PLB1: variants seen among roughly 807,000 people sequenced by gnomAD.
PLB1 encodes phospholipase B1, also known as phospholipase B1, membrane-associated.
PLB1 carries 242 observed loss-of-function variants against 227.4 expected under a neutral mutation model. The ratio of observed to expected loss-of-function variants is 1.06; its 90% CI spans 0.96 to 1.18. The LOEUF (loss-of-function observed/expected upper bound fraction) is 1.18, where lower values mean the gene tolerates loss of function less well. Ranked by LOEUF, PLB1 falls within the 50% of genes most tolerant of loss-of-function variation. PLB1 has a pLI of 0.00. For synonymous variants in PLB1, 757 were observed against 682.2 expected, an observed-to-expected ratio of 1.11 and a Z score of -1.71; for missense variants, 1,858 against 1,816.3, an observed-to-expected ratio of 1.02 and a Z score of -0.42.
intron 20 of PLB1, among the ~76,000 whole-genome samples, chr2:28,568,869 G>T (rs1677518322): frequency 6.6e-6 from 1 of 152,218 alleles, no homozygotes; most frequent in Non-Finnish European, 1.5e-5. Flanking sequence ...TATCCAATGT[G>T]TGGTTCCTCC....
intron 16 of PLB1, among the ~76,000 whole-genome samples, chr2:28,550,964 C>A (rs1674151941): frequency 6.6e-6 from 1 of 152,186 alleles, no homozygotes; most frequent in Admixed American, 6.5e-5. Context: ...ATGTGGCCAT[C>A]CCCTGGGTGC....
intron 17 of PLB1, among the ~76,000 whole-genome samples, chr2:28,560,106 A>G (rs1436864497): frequency 6.6e-6 from 1 of 152,146 alleles, no homozygotes; most frequent in Non-Finnish European, 1.5e-5. Context: ...GACAACTTTC[A>G]GTTTATCCTT....
intron 11 of PLB1, 135 bp from the exon 12 acceptor site, chr2:28,540,231 A>G: frequency 1.4e-6 from 1 of 707,454 alleles, no homozygotes. Context: ...TATGTCCTCT[A>G]AGACTTATGC....
Position 28,590,993 on chromosome 2 carries a change from G to A in PLB1, c.2089-140G>A, listed in dbSNP as rs117078616. Reference sequence around the variant, plus strand: ...ACGGCCCCCTGCATCTTGGGAGGGAGTCAGCCTGGTAGAGGCTGGGCTTGG... The same window carrying A: ...ACGGCCCCCTGCATCTTGGGAGGGAATCAGCCTGGTAGAGGCTGGGCTTGG... On this transcript the variant is annotated intron_variant, in intron 29 of 57. Coordinates refer to ENST00000327757, the MANE Select transcript of PLB1 (RefSeq NM_153021.5). 2,721 of 1,013,980 alleles carry A rather than the reference G, an allele frequency of 2.7e-3. 61 individuals carry two copies. The East Asian group carries it at 0.041, about 15-fold the overall frequency. The allele number at this position is 1,013,980 out of a possible 1,614,324, so 62.8% of individuals were successfully genotyped here. A position where few individuals can be genotyped will look rare whatever the true frequency, so the allele number is the denominator to read the frequency against.
chr2:28,642,384 G>T (rs1690073952), intron 57 of PLB1, among the ~76,000 whole-genome samples: 1 of 152,126 alleles, frequency 6.6e-6, no homozygotes, highest in South Asian at 2.1e-4. Flanking sequence ...GAACGCACAC[G>T]ATCTGCCCAC....
intron 20 of PLB1, among the ~76,000 whole-genome samples, chr2:28,571,701 C>G (rs1678038415): frequency 6.6e-6 from 1 of 152,076 alleles, no homozygotes; most frequent in African/African-American, 2.4e-5. Flanking sequence ...AAAGAATCGT[C>G]TTTTCAATAA....
At chr2:28,598,886 C>A in intron 35 of PLB1, 126 bp downstream of exon 35, 1 of 778,682 alleles carries the variant, frequency 1.3e-6, no homozygotes, top group Admixed American at 2.0e-5. Context: ...GCTCAGGCTG[C>A]CCTCTTCCCT....
At chr2:28,519,632 C>A in intron 3 of PLB1, 73 bp from the exon 4 acceptor site, 1 of 1,148,914 alleles carries the variant, frequency 8.7e-7, no homozygotes, top group African/African-American at 1.5e-5. Context: ...GTCTCCTCTC[C>A]CATACGGTAT....
intron 49 of PLB1, among the ~76,000 whole-genome samples, chr2:28,621,358 C>T (rs1021013873): frequency 1.3e-5 from 2 of 152,206 alleles, no homozygotes; most frequent in African/African-American, 2.4e-5. Context: ...GCAGGTCAAA[C>T]GTGCAGGGTG....
intron 20 of PLB1, among the ~76,000 whole-genome samples, chr2:28,567,623 GCCA>G (rs1677249351): frequency 6.6e-6 from 1 of 151,714 alleles, no homozygotes; most frequent in African/African-American, 2.4e-5. Flanking sequence ...ACAGGCCCCC[GCCA>G]CCACACCCAG....
At chr2:28,586,710 C>G (rs1680957728) in intron 26 of PLB1, among the ~76,000 whole-genome samples, 1 of 152,118 alleles carries the variant, frequency 6.6e-6, no homozygotes, top group Non-Finnish European at 1.5e-5. Flanking sequence ...GGATGACTCC[C>G]TAGCTGGACT....
intron 1 of PLB1, among the ~76,000 whole-genome samples, chr2:28,500,190 C>T (rs1666925200): frequency 6.6e-6 from 1 of 152,124 alleles, no homozygotes; most frequent in Admixed American, 6.5e-5. Context: ...ATTTATTTGC[C>T]TTGTCTCTTT....
chr2:28,579,739 C>A (rs1440783659), intron 23 of PLB1, 32 bp downstream of exon 23: 3 of 1,566,838 alleles, frequency 1.9e-6, no homozygotes, highest in South Asian at 2.2e-5. Flanking sequence ...TCAAGACTCA[C>A]CCCCAGAGAA....
Position 28,548,883 on chromosome 2 carries a change from T to G in PLB1, c.960T>G (p.Asp320Glu), listed in dbSNP as rs758144441. ...AGATGGAGCCAGCAGGAGAGAAAGA[T>G]GAGCCATTGAGTGTAAAACACGGGA... The part of the protein sequence containing the change: ...NRMMEPAGEK[D>E]EPLSVKHGRP... Residue 320 changes from aspartate (D) to glutamate (E), a missense_variant, in exon 15 of 58, where the codon GAT becomes GAG. Physicochemically the swap from Asp to Glu is conservative, Grantham distance 45 (BLOSUM62 2). Transcript: ENST00000327757. 6.2e-7 allele frequency: 1 copy of G among 1,614,118 alleles called. No individual in the cohort carries two copies. Among genetic ancestry groups the G allele is most frequent in the South Asian group, 1.1e-5 (1 of 91,078 alleles).
At chr2:28,578,508 A>C (rs1161044132) in intron 22 of PLB1, among the ~76,000 whole-genome samples, 2 of 152,114 alleles carry the variant, frequency 1.3e-5, no homozygotes, top group Admixed American at 6.5e-5. Flanking sequence ...GGTGGGGTGC[A>C]GAAGGGACCG....
At chr2:28,558,814 T>G (rs1675574966) in intron 17 of PLB1, among the ~76,000 whole-genome samples, 1 of 152,168 alleles carries the variant, frequency 6.6e-6, no homozygotes, top group South Asian at 2.1e-4. Flanking sequence ...AGAGTTGTCA[T>G]CAGGCTGTGC....
intron 18 of PLB1, among the ~76,000 whole-genome samples, chr2:28,564,628 C>T (rs960463821): frequency 1.3e-5 from 2 of 152,172 alleles, no homozygotes; most frequent in Non-Finnish European, 2.9e-5. Context: ...TGGGTGTGAA[C>T]CTGCCTGGCA....
chr2:28,510,778 T>TTGTGTGTGTGTGTGTGTG (rs55672002), intron 1 of PLB1, among the ~76,000 whole-genome samples: 6,260 of 141,458 alleles, frequency 0.044, 183 homozygotes, highest in South Asian at 0.063. Flanking sequence ...ACTCAGATAA[T>TTGTGTGTGTGTGTGTGTG]TGTGTGTGTG....
Position 28,643,072 on chromosome 2 carries a change from G to T in PLB1, c.*11G>T. Reference sequence around the variant, plus strand: ...ACTGTGGCCCTCTAGGCCCGGGGGTGGGTCCTCACCCTAAACTCCCTATAG... The same window carrying T: ...ACTGTGGCCCTCTAGGCCCGGGGGTTGGTCCTCACCCTAAACTCCCTATAG... On this transcript the variant is annotated 3_prime_UTR_variant, in exon 58 of 58. Coordinates refer to ENST00000327757, the MANE Select transcript of PLB1 (RefSeq NM_153021.5). 1.3e-6 allele frequency: 2 copies of T among 1,584,170 alleles called. No individual in the cohort carries two copies. Among genetic ancestry groups the T allele is most frequent in the Non-Finnish European group, 1.7e-6 (2 of 1,164,808 alleles).
Sources: allele counts gnomAD v4.1 joint callset (sites outside exome capture counted in the v4.1 genomes callset), GRCh38; gene constraint gnomAD v4.1.1; transcripts MANE v1.5; gene names NCBI Gene and HGNC (gene_info 2026-07-23, HGNC 2026-07-21).